Variants in PSME4 observed in about 807,000 individuals in gnomAD.
PSME4 encodes the protein proteasome activator subunit 4, also known as proteasome activator complex subunit 4.
In PSME4, 89 loss-of-function variants were observed where a neutral mutation model predicts 253.9. That is an observed-to-expected ratio of 0.35 (90% confidence interval 0.30 to 0.42). The LOEUF is 0.42. Ranked by LOEUF, PSME4 falls within the 10% of genes least tolerant of loss-of-function variation. PSME4 has a pLI of 1.00. For synonymous variants in PSME4, 851 were observed against 759.2 expected, an observed-to-expected ratio of 1.12 and a Z score of -1.99; for missense variants, 2,014 against 2,195.2, an observed-to-expected ratio of 0.92 and a Z score of 1.65.
chr2:53,940,952 C>CATATTTAAAT (rs61078234), intron 3 of PSME4, among the ~76,000 whole-genome samples: 380 of 23,998 alleles, frequency 0.016, 41 homozygotes, highest in East Asian at 0.044. Flanking sequence ...TATATATATA[C>CATATTTAAAT]ATATATATAT....
chr2:53,934,718 T>C lies in PSME4; in HGVS notation c.844A>G (p.Arg282Gly). ...WDPYVPKIFT[R>G]ILRSLNLPVG... ...GGGAGGTTCAAGCTTCTCAGAATTC[T>C]TGTAAATATCTTTTAAAAGAAAAAA... Residue 282 changes from arginine (R) to glycine (G), a missense_variant, in exon 8 of 47, where the codon AGA becomes GGA. Arg to Gly is a moderately radical substitution (Grantham distance 125). Around this residue, in one of 4 missense-constraint regions of PSME4, gnomAD observed 615 missense variants for 594.4 expected, o/e 1.03. Transcript: ENST00000404125. 5 of 1,588,240 alleles carry C rather than the reference T, an allele frequency of 3.1e-6. No homozygotes were observed. The highest frequency in any genetic ancestry group is 8.6e-7 in the Non-Finnish European group (1 of 1,159,394).
intron 41 of PSME4, among the ~76,000 whole-genome samples, chr2:53,881,680 G>A (rs1202150626): frequency 1.3e-5 from 2 of 152,030 alleles, no homozygotes; most frequent in Non-Finnish European, 2.9e-5. Flanking sequence ...CGCCTCCAGG[G>A]TTCAAGTGAT....
intron 4 of PSME4, among the ~76,000 whole-genome samples, chr2:53,938,158 T>C (rs1286679320): frequency 6.6e-6 from 1 of 152,130 alleles, no homozygotes; most frequent in African/African-American, 2.4e-5. Context: ...CTTTGTGCTA[T>C]GTAACAATTA....
chr2:53,966,555 T>C (rs923006289), intron 1 of PSME4, among the ~76,000 whole-genome samples: 1 of 150,414 alleles, frequency 6.6e-6, no homozygotes, highest in African/African-American at 2.5e-5. Flanking sequence ...TCCCAGCTAC[T>C]CTGTCTCCAA....
chr2:53,893,803 T>C lies in PSME4; in HGVS notation c.3913-4A>G, dbSNP rs747355685. The C allele has an allele frequency of 4.4e-6, 7 of 1,583,622 alleles. No homozygotes were observed. The highest frequency in any genetic ancestry group is 5.1e-6 in the Non-Finnish European group (6 of 1,170,234). On this transcript the variant is annotated splice_region_variant and splice_polypyrimidine_tract_variant and intron_variant, in intron 34 of 46. Transcript: ENST00000404125. ...GATCAAATATAATCTGTTCTGCCTATAAAGTTAAAAAAAGAACAATATTCA... is the reference window on the plus strand; with the variant it reads ...GATCAAATATAATCTGTTCTGCCTACAAAGTTAAAAAAAGAACAATATTCA...
At chr2:53,868,778 C>T (rs1257071449) in intron 44 of PSME4, among the ~76,000 whole-genome samples, 3 of 151,148 alleles carry the variant, frequency 2.0e-5, no homozygotes, top group Non-Finnish European at 4.4e-5. Context: ...TACTATTAAT[C>T]TTTTTATGTA....
chr2:53,938,739 T>A (rs766145541), intron 4 of PSME4, among the ~76,000 whole-genome samples: 5 of 152,236 alleles, frequency 3.3e-5, no homozygotes, highest in Non-Finnish European at 7.3e-5. Context: ...TATCTTCATA[T>A]ACTTGTGTTA....
intron 11 of PSME4, 89 bp downstream of exon 11, chr2:53,928,028 T>C (rs1210539934): frequency 4.4e-6 from 4 of 902,940 alleles, no homozygotes; most frequent in Non-Finnish European, 6.8e-6. Flanking sequence ...ATATTAGGCT[T>C]ATGCACAAAC....
rs76637858 is a variant in PSME4 at position 53,966,430 on chromosome 2, G to A, written c.242+4113C>T. Reference sequence around the variant, plus strand: ...TAATCCGAACACTTTGGGAGGCCGGGGTGGCCAGATCATTTGAGATCAAGA... The same window carrying A: ...TAATCCGAACACTTTGGGAGGCCGGAGTGGCCAGATCATTTGAGATCAAGA... On this transcript the variant is annotated intron_variant, in intron 1 of 46. Coordinates refer to ENST00000404125, the MANE Select transcript of PSME4 (RefSeq NM_014614.3). 7.8e-4 allele frequency among the ~76,000 whole-genome samples: 119 copies of A among 152,258 alleles called. 1 individual carries two copies. In the East Asian group the frequency reaches 0.021, roughly 26 times the overall value.
At chr2:53,909,850 T>C (rs1040633634) in intron 21 of PSME4, among the ~76,000 whole-genome samples, 1 of 152,010 alleles carries the variant, frequency 6.6e-6, no homozygotes, top group Non-Finnish European at 1.5e-5. Flanking sequence ...TAATCCTAGC[T>C]ATTTGGGAGG....
intron 1 of PSME4, among the ~76,000 whole-genome samples, chr2:53,968,914 G>C (rs1286205625): frequency 1.3e-5 from 2 of 152,088 alleles, no homozygotes; most frequent in African/African-American, 4.8e-5. Context: ...GTAGATTCTA[G>C]GTTTATAAAT....
chr2:53,951,603 G>A (rs1241560932), intron 1 of PSME4, among the ~76,000 whole-genome samples: 13 of 152,102 alleles, frequency 8.5e-5, no homozygotes, highest in Admixed American at 2.6e-4. Flanking sequence ...TCTTGTTTTG[G>A]TTCTGCCAGT....
At chr2:53,923,274 G>T in intron 15 of PSME4, 47 bp downstream of exon 15, 1 of 1,548,884 alleles carries the variant, frequency 6.5e-7, no homozygotes, top group South Asian at 1.2e-5. Flanking sequence ...ATATAAACTA[G>T]TTGATTGTTG....
intron 27 of PSME4, 63 bp downstream of exon 27, chr2:53,903,962 A>AT (rs1252778344): frequency 7.1e-6 from 10 of 1,408,716 alleles, no homozygotes; most frequent in African/African-American, 1.4e-5. Flanking sequence ...TTACCGTAGA[A>AT]TTTTTTCAGC....
At chr2:53,901,742 G>A (rs1003140734) in intron 27 of PSME4, among the ~76,000 whole-genome samples, 183 bp from the exon 28 acceptor site, 2 of 152,124 alleles carry the variant, frequency 1.3e-5, no homozygotes, top group Non-Finnish European at 2.9e-5. Flanking sequence ...TGACATTTAG[G>A]TGATATCCAT....
intron 43 of PSME4, among the ~76,000 whole-genome samples, chr2:53,871,475 C>T (rs377400407): frequency 1.3e-5 from 2 of 151,202 alleles, no homozygotes; most frequent in African/African-American, 4.9e-5. Flanking sequence ...AGGATGGTCT[C>T]GATCTCCTGA....
chr2:53,936,072 C>A lies in PSME4; in HGVS notation c.834+15G>T. 6.2e-7 allele frequency: 1 copy of A among 1,606,306 alleles called. No homozygotes were observed. The highest frequency in any genetic ancestry group is 1.3e-5 in the African/African-American group (1 of 74,434). ...CCCCATGCCTGATAATTTTTTTCCC[C>A]AAAATGTTAATTACCTTTGGTACAT... On this transcript the variant is annotated intron_variant, in intron 7 of 46. Coordinates refer to ENST00000404125, the MANE Select transcript of PSME4 (RefSeq NM_014614.3).
At chr2:53,876,260 C>G (rs1290151844) in intron 41 of PSME4, among the ~76,000 whole-genome samples, 1 of 151,898 alleles carries the variant, frequency 6.6e-6, no homozygotes, top group Non-Finnish European at 1.5e-5. Context: ...GCATATATTC[C>G]CCCCCGCAAC....
intron 3 of PSME4, among the ~76,000 whole-genome samples, chr2:53,944,601 A>C (rs991701010): frequency 2.6e-5 from 4 of 152,254 alleles, no homozygotes; most frequent in Non-Finnish European, 4.4e-5. Flanking sequence ...TTTAAATTTC[A>C]ACAAGTTTTA....
Sources: allele counts gnomAD v4.1 joint callset (sites outside exome capture counted in the v4.1 genomes callset), GRCh38; gene constraint gnomAD v4.1.1; regional missense constraint gnomAD v4.1.1; transcripts MANE v1.5; gene names NCBI Gene and HGNC (gene_info 2026-07-23, HGNC 2026-07-21).